Variants in HDGFL3 observed in about 807,000 individuals in gnomAD.
HDGFL3 encodes hepatoma-derived growth factor-related protein 3.
Under a neutral mutation model 27.6 loss-of-function variants are expected in HDGFL3, and 6 were observed. That is an observed-to-expected ratio of 0.22 (90% confidence interval 0.12 to 0.43). HDGFL3 has a LOEUF of 0.43. Ranked by LOEUF, HDGFL3 falls within the 20% of genes least tolerant of loss-of-function variation. The pLI, the probability that HDGFL3 is intolerant of heterozygous loss-of-function variation, is 1.00. For synonymous variants in HDGFL3, 88 were observed against 88.9 expected (o/e 0.99, Z 0.05); for missense variants, 207 against 250.1 (o/e 0.83, Z 1.16).
intron 5 of HDGFL3, among the ~76,000 whole-genome samples, chr15:83,148,032 C>G (rs1433602407): frequency 1.3e-5 from 2 of 152,122 alleles, no homozygotes; most frequent in Non-Finnish European, 2.9e-5. Context: ...GGCAGCTCAA[C>G]CTTATCATTA....
chr15:83,196,901 G>A (rs1439230589), intron 1 of HDGFL3, among the ~76,000 whole-genome samples: 1 of 152,162 alleles, frequency 6.6e-6, no homozygotes, highest in East Asian at 1.9e-4. Context: ...AAATGAGGGG[G>A]AAAGGCTGGA....
chr15:83,207,256 G>T lies in HDGFL3; in HGVS notation c.84+75C>A. ...TGCGGGCTCGGGGCTGAGGCGATGGGGAAAGGGGGCGGGCGCGCCATCATG... is the reference window on the plus strand; with the variant it reads ...TGCGGGCTCGGGGCTGAGGCGATGGTGAAAGGGGGCGGGCGCGCCATCATG... On this transcript the variant is annotated intron_variant, in intron 1 of 5. Transcript: ENST00000299633. This position sits in a 1 kb window ranked among gnomAD's most constrained non-coding sequence, Gnocchi z 4.8. 2 of 1,070,192 alleles carry T rather than the reference G, an allele frequency of 1.9e-6. No homozygotes were observed. The highest frequency in any genetic ancestry group is 2.5e-6 in the Non-Finnish European group (2 of 814,210). The allele number at this position is 1,070,192 out of a possible 1,614,324, so 66.3% of individuals were successfully genotyped here.
At chr15:83,162,904 A>G (rs1472652347) in intron 2 of HDGFL3, among the ~76,000 whole-genome samples, 1 of 152,222 alleles carries the variant, frequency 6.6e-6, no homozygotes, top group East Asian at 1.9e-4. Context: ...GTAAATAACC[A>G]TATCCGTTCC....
exon 4 of HDGFL3, chr15:83,114,593 A>G (rs2034484555): frequency 6.6e-6 from 1 of 152,544 alleles, no homozygotes; most frequent in African/African-American, 2.4e-5. Context: ...TTCTGGGGAG[A>G]ATGTGAATGC....
In HDGFL3 at chr15:83,207,228, A is replaced by G; in HGVS notation, c.84+103T>C. ...TCAGCCCTCACCACAGCCGGCCGCG[A>G]GCTGCGGGCTCGGGGCTGAGGCGAT... On this transcript the variant is annotated intron_variant, in intron 1 of 5. Coordinates refer to ENST00000299633, the MANE Select transcript of HDGFL3 (RefSeq NM_016073.4). The surrounding 1 kb of genome is among the most constrained non-coding windows in gnomAD (Gnocchi z 4.8). 1.3e-6 allele frequency: 1 copy of G among 788,336 alleles called. No homozygotes were observed. Among genetic ancestry groups the G allele is most frequent in the Non-Finnish European group, 1.7e-6 (1 of 574,146 alleles). The allele number at this position is 788,336 out of a possible 1,614,324, so 48.8% of individuals were successfully genotyped here.
intron 4 of HDGFL3, among the ~76,000 whole-genome samples, chr15:83,152,487 G>A (rs1414307468): frequency 6.6e-6 from 1 of 152,062 alleles, no homozygotes; most frequent in Non-Finnish European, 1.5e-5. Flanking sequence ...GATCACCTAA[G>A]GTCAGGGGTT....
At chr15:83,186,234 C>T (rs547726872) in intron 1 of HDGFL3, among the ~76,000 whole-genome samples, 33 of 152,310 alleles carry the variant, frequency 2.2e-4, no homozygotes, top group African/African-American at 6.3e-4. Context: ...TTTAGAGCAA[C>T]TTGTTATACA....
chr15:83,127,420 T>C, downstream of HDGFL3: 1 of 1,614,010 alleles, frequency 6.2e-7, no homozygotes, highest in Non-Finnish European at 8.5e-7. Flanking sequence ...GCTTAGTGGT[T>C]CCTGGATGTT....
intron 2 of HDGFL3, chr15:83,163,658 A>G (rs1253653471): frequency 4.8e-6 from 1 of 208,746 alleles, no homozygotes; most frequent in Non-Finnish European, 9.6e-6. Flanking sequence ...AATGGAAAAA[A>G]CTTCTCTGGA....
chr15:83,198,999 C>T (rs2037604720), intron 1 of HDGFL3, among the ~76,000 whole-genome samples: 1 of 152,194 alleles, frequency 6.6e-6, no homozygotes, highest in Admixed American at 6.5e-5. Flanking sequence ...TTATTTCTCA[C>T]TGTAGGTTAC....
In HDGFL3 at chr15:83,206,564, G is replaced by C. The variant is rs2037719481; in HGVS notation, c.84+767C>G. Among the ~76,000 whole-genome samples, 2 of 152,218 alleles carry C rather than the reference G, an allele frequency of 1.3e-5. 1 individual carries two copies. Among genetic ancestry groups the C allele is most frequent in the South Asian group, 4.1e-4 (2 of 4,836 alleles). ...GCCCAACGACAACCTTGTTATGTAG[G>C]AAGAGAGAGCTATTGTGGACTGTAG... is the stretch of plus-strand genomic sequence containing the variant. On this transcript the variant is annotated intron_variant, in intron 1 of 5. Transcript: ENST00000299633.
chr15:83,127,629 C>A, downstream of HDGFL3: 1 of 773,014 alleles, frequency 1.3e-6, no homozygotes, highest in Non-Finnish European at 2.1e-6. Flanking sequence ...GACATTTCTG[C>A]AAGTACATTT....
rs917379563 is a variant in HDGFL3 at position 83,131,209 on chromosome 15, C to T, written c.*8061G>A. ...TTTAGAAACCTTATGCATTCATGATCCCACTAACTTTACTAAAACTTACTT... is the reference window on the plus strand; with the variant it reads ...TTTAGAAACCTTATGCATTCATGATTCCACTAACTTTACTAAAACTTACTT... On this transcript the variant is annotated 3_prime_UTR_variant, in exon 6 of 6. Transcript: ENST00000299633. 5.9e-5 allele frequency: 9 copies of T among 152,118 alleles called. No individual in the cohort carries two copies. The highest frequency in any genetic ancestry group is 2.2e-4 in the African/African-American group (9 of 41,412). 9.4% of individuals were successfully genotyped at this position (152,118 alleles called of 1,614,324 possible).
At chr15:83,195,171 G>A (rs1244564509) in intron 1 of HDGFL3, among the ~76,000 whole-genome samples, 1 of 151,940 alleles carries the variant, frequency 6.6e-6, no homozygotes, top group Non-Finnish European at 1.5e-5. Flanking sequence ...GTCAGTTTTG[G>A]CTCATTCTTG....
intron 4 of HDGFL3, among the ~76,000 whole-genome samples, chr15:83,154,227 T>C (rs1432083525): frequency 6.7e-6 from 1 of 150,146 alleles, no homozygotes; most frequent in African/African-American, 2.5e-5. Context: ...TCCCAGCTAC[T>C]GGGGAGGCTG....
intron 5 of HDGFL3, among the ~76,000 whole-genome samples, chr15:83,146,153 G>A (rs2036888702): frequency 6.6e-6 from 1 of 151,716 alleles, no homozygotes; most frequent in Non-Finnish European, 1.5e-5. Context: ...CAGGTGATCG[G>A]CCCACCTCAG....
chr15:83,194,658 A>T (rs754254121), intron 1 of HDGFL3, among the ~76,000 whole-genome samples: 7 of 152,114 alleles, frequency 4.6e-5, no homozygotes, highest in Non-Finnish European at 1.0e-4. Context: ...AAATAAATTC[A>T]GGGTTTCTGC....
chr15:83,128,938 C>G lies in HDGFL3; in HGVS notation c.*10332G>C, dbSNP rs2036002617. ...CTCGGACTCCTAGGCTCAAGCAATC[C>G]TCCTGCCTCTGTCTCCAGAGTAGCT... On this transcript the variant is annotated 3_prime_UTR_variant, in exon 6 of 6. Transcript: ENST00000299633. 1 of 152,308 alleles carries G rather than the reference C, an allele frequency of 6.6e-6. No homozygotes were observed. The highest frequency in any genetic ancestry group is 1.5e-5 in the Non-Finnish European group (1 of 68,134). 9.4% of individuals were successfully genotyped at this position (152,308 alleles called of 1,614,324 possible).
At chr15:83,169,123 TAAG>T (rs2037209775) in intron 1 of HDGFL3, 2 of 322,918 alleles carry the variant, frequency 6.2e-6, no homozygotes, top group Middle Eastern at 4.5e-4. Context: ...TATCTCAAAA[TAAG>T]AGCCATATAT....
Sources: allele counts gnomAD v4.1 joint callset (sites outside exome capture counted in the v4.1 genomes callset), GRCh38; gene constraint gnomAD v4.1.1; non-coding constraint Gnocchi (gnomAD v3.1); transcripts MANE v1.5; gene names NCBI Gene and HGNC (gene_info 2026-07-23, HGNC 2026-07-21).